ZFP91: variants seen among roughly 807,000 people sequenced by gnomAD.
ZFP91 encodes ZFP91 zinc finger protein, atypical E3 ubiquitin ligase.
ZFP91 carries 7 observed loss-of-function variants against 63.5 expected under a neutral mutation model. The observed-to-expected ratio is 0.11, with a 90% confidence interval of 0.06 to 0.21. The LOEUF is 0.21. Among genes scored for constraint, ZFP91 ranks in the 10% least tolerant of loss-of-function variants. ZFP91 has a pLI of 1.00. For missense variants in ZFP91, 628 were observed against 736.6 expected, an observed-to-expected ratio of 0.85 and a Z score of 1.71; for synonymous variants, 330 against 272.1, an observed-to-expected ratio of 1.21 and a Z score of -2.10.
At chr11:58,595,915 A>G (rs1215502633) in intron 2 of ZFP91, among the ~76,000 whole-genome samples, 2 of 151,642 alleles carry the variant, frequency 1.3e-5, no homozygotes. Flanking sequence ...AGTATAAACC[A>G]CTCTTACTTC....
In ZFP91 at chr11:58,617,752, A is replaced by G. The variant is rs1476572703; in HGVS notation, c.*46A>G. On this transcript the variant is annotated 3_prime_UTR_variant, in exon 11 of 11. Coordinates refer to ENST00000316059, the MANE Select transcript of ZFP91 (RefSeq NM_053023.5). This position sits in a 1 kb window ranked among gnomAD's most constrained non-coding sequence, Gnocchi z 4.2. ...ATGGGACAGCTCAGACTTTGTATTT[A>G]AAAGTTAAAAAGGACAAAAAAAAAA... 2 of 1,443,628 alleles carry G rather than the reference A, an allele frequency of 1.4e-6. No individual in the cohort carries two copies. Among genetic ancestry groups the G allele is most frequent in the East Asian group, 5.0e-5 (2 of 40,336 alleles). 89.4% of individuals were successfully genotyped at this position (1,443,628 alleles called of 1,614,324 possible).
chr11:58,601,422 G>T (rs1655813921), intron 2 of ZFP91, among the ~76,000 whole-genome samples: 2 of 152,122 alleles, frequency 1.3e-5, no homozygotes, highest in Non-Finnish European at 2.9e-5. Context: ...TATTTCAGTG[G>T]TAGTGTCCCA....
At chr11:58,580,172 G>A (rs1469333524) in intron 1 of ZFP91, among the ~76,000 whole-genome samples, 1 of 151,368 alleles carries the variant, frequency 6.6e-6, no homozygotes, top group Non-Finnish European at 1.5e-5. Context: ...TTATGGTCAG[G>A]TTAAAAGCCC....
chr11:58,602,713 A>C (rs1386394656), intron 2 of ZFP91, among the ~76,000 whole-genome samples: 1 of 152,188 alleles, frequency 6.6e-6, no homozygotes, highest in East Asian at 1.9e-4. Context: ...CTTTTGTGGT[A>C]ATTTGTTATG....
At chr11:58,613,760 A>G (rs2134422691) in intron 8 of ZFP91, among the ~76,000 whole-genome samples, 1 of 152,222 alleles carries the variant, frequency 6.6e-6, no homozygotes, top group East Asian at 1.9e-4. Flanking sequence ...TAGGTCTGGC[A>G]GGAAACGTGA....
chr11:58,602,451 A>T (rs920280937), intron 2 of ZFP91, among the ~76,000 whole-genome samples: 16 of 151,702 alleles, frequency 1.1e-4, no homozygotes, highest in African/African-American at 3.9e-4. Flanking sequence ...CGAGAGAGAG[A>T]TGGGGGGAGA....
intron 7 of ZFP91, 120 bp downstream of exon 7, chr11:58,612,448 C>T: frequency 1.1e-6 from 1 of 928,264 alleles, no homozygotes. Context: ...ACAAAAGCAA[C>T]TTCACTAATG....
At chr11:58,612,487 T>A in intron 7 of ZFP91, 159 bp downstream of exon 7, 1 of 703,730 alleles carries the variant, frequency 1.4e-6, no homozygotes, top group Non-Finnish European at 2.4e-6. Context: ...TATGATCTTA[T>A]TTTCATTGTA....
At chr11:58,585,555 G>A (rs1437589832) in intron 2 of ZFP91, among the ~76,000 whole-genome samples, 1 of 152,048 alleles carries the variant, frequency 6.6e-6, no homozygotes, top group Non-Finnish European at 1.5e-5. Flanking sequence ...CCTTAAAACT[G>A]AACAAATATA....
chr11:58,589,000 C>G (rs1377974384), intron 2 of ZFP91, among the ~76,000 whole-genome samples: 2 of 152,270 alleles, frequency 1.3e-5, no homozygotes, highest in African/African-American at 2.4e-5. Context: ...AAAAAGAGTT[C>G]TGGAAGGAAA....
rs1305459740 is a variant in ZFP91 at position 58,621,436 on chromosome 11, A to G, written c.*3730A>G. ...ATCAAGTACTGATTTTTATTTTAAAAAAGAAAAAACTATAATCCTTCTGCC... is the reference window on the plus strand; with the variant it reads ...ATCAAGTACTGATTTTTATTTTAAAGAAGAAAAAACTATAATCCTTCTGCC... On this transcript the variant is annotated 3_prime_UTR_variant, in exon 11 of 11. Coordinates refer to ENST00000316059, the MANE Select transcript of ZFP91 (RefSeq NM_053023.5). Among the ~76,000 whole-genome samples the G allele has an allele frequency of 1.3e-5, 2 of 152,222 alleles. No individual in the cohort carries two copies. Among genetic ancestry groups the G allele is most frequent in the Non-Finnish European group, 2.9e-5 (2 of 68,036 alleles).
Position 58,579,863 on chromosome 11 carries a change from T to A in ZFP91, c.341+241T>A, listed in dbSNP as rs184613597. 2.6e-5 allele frequency among the ~76,000 whole-genome samples: 4 copies of A among 152,228 alleles called. No homozygotes were observed. The East Asian group carries it at 7.7e-4, about 29-fold the overall frequency. ...CCCACTCCCCGAAATCATCTTTTGATACACCCCTGCACTCGCTAGTGATCC... is the reference window on the plus strand; with the variant it reads ...CCCACTCCCCGAAATCATCTTTTGAAACACCCCTGCACTCGCTAGTGATCC... On this transcript the variant is annotated intron_variant, in intron 1 of 10. Coordinates refer to ENST00000316059, the MANE Select transcript of ZFP91 (RefSeq NM_053023.5).
rs751496984 is a variant in ZFP91, at chr11:58,614,332, A to G, written c.1091A>G (p.Lys364Arg). 3.7e-6 allele frequency: 6 copies of G among 1,609,704 alleles called. No individual in the cohort carries two copies. Among genetic ancestry groups the G allele is most frequent in the Admixed American group, 3.3e-5 (2 of 59,836 alleles). The change falls in exon 9 of 11, where the codon AAA becomes AGA. Residue 364 changes from lysine (K) to arginine (R), a missense_variant. Lys to Arg is a conservative substitution (Grantham distance 26, BLOSUM62 2). This residue lies in a region of ZFP91 where 76 missense variants were observed against 230.9 expected (regional missense o/e 0.33). Transcript: ENST00000316059. The part of the protein sequence containing the change: ...RLQKQLLRHA[K>R]HHTDQRDYIC... ...CAGAAGCAACTTCTGCGACATGCCA[A>G]ACATCATACAGGTACTTTTAAAATG...
intron 2 of ZFP91, among the ~76,000 whole-genome samples, chr11:58,585,993 A>AT (rs796591750): frequency 0.016 from 2,364 of 143,352 alleles, 57 homozygotes; most frequent in African/African-American, 0.054. Flanking sequence ...CATACCTGGC[A>AT]TTTTTTTTTT....
At chr11:58,591,710 A>ATAGGAAGCATTATGCAATGTATG (rs1210952250) in intron 2 of ZFP91, among the ~76,000 whole-genome samples, 1 of 152,138 alleles carries the variant, frequency 6.6e-6, no homozygotes, top group Non-Finnish European at 1.5e-5. Context: ...GTGTTTGTAT[A>ATAGGAAGCATTATGCAATGTATG]TAGGAAGCAT....
At chr11:58,596,288 CAG>C (rs1185818046) in intron 2 of ZFP91, among the ~76,000 whole-genome samples, 5 of 152,184 alleles carry the variant, frequency 3.3e-5, no homozygotes, top group African/African-American at 4.8e-5. Flanking sequence ...ACTCTTATCT[CAG>C]GGGGTGACAG....
intron 7 of ZFP91, 68 bp downstream of exon 7, chr11:58,612,396 G>A (rs1157857744): frequency 1.3e-6 from 2 of 1,515,398 alleles, no homozygotes; most frequent in African/African-American, 1.4e-5. Flanking sequence ...CACAAATTTA[G>A]ACTTCATGAT....
rs1491219327 is a variant in ZFP91 at position 58,617,069 on chromosome 11, ATT to A, written c.1203-126_1203-125del. On this transcript the variant is annotated intron_variant, in intron 10 of 10. Transcript: ENST00000316059. The surrounding 1 kb of genome is among the most constrained non-coding windows in gnomAD (Gnocchi z 4.2). ...CTTCAAAAGAAGTATGTTACTGATT[ATT>A]GTGTGTGTGTGTGTGTGTGTGTGTG... The A allele has an allele frequency of 2.4e-5, 18 of 737,086 alleles. No individual in the cohort carries two copies. In the African/African-American group the frequency reaches 3.3e-4, roughly 14 times the overall value. The allele number at this position is 737,086 out of a possible 1,614,324, so 45.7% of individuals were successfully genotyped here.
chr11:58,620,203 A>G lies in ZFP91; in HGVS notation c.*2497A>G, dbSNP rs1466696122. 6.6e-6 allele frequency: 1 copy of G among 152,190 alleles called. No individual in the cohort carries two copies. The highest frequency in any genetic ancestry group is 1.5e-5 in the Non-Finnish European group (1 of 68,030). The allele number at this position is 152,190 out of a possible 1,614,324, so 9.4% of individuals were successfully genotyped here. ...TATTGCAGCAGTTTGCAATACTAAAATATTTTTTATAGACTTTATATTTTT... is the reference window on the plus strand; with the variant it reads ...TATTGCAGCAGTTTGCAATACTAAAGTATTTTTTATAGACTTTATATTTTT... On this transcript the variant is annotated 3_prime_UTR_variant, in exon 11 of 11. Transcript: ENST00000316059.
Sources: allele counts gnomAD v4.1 joint callset (sites outside exome capture counted in the v4.1 genomes callset), GRCh38; gene constraint gnomAD v4.1.1; regional missense constraint gnomAD v4.1.1; non-coding constraint Gnocchi (gnomAD v3.1); transcripts MANE v1.5; gene names NCBI Gene and HGNC (gene_info 2026-07-23, HGNC 2026-07-21).